The following STK32B variants were observed in gnomAD, a reference collection of about 807,000 sequenced individuals.
STK32B encodes the protein serine/threonine kinase 32B.
Under a neutral mutation model 52.6 loss-of-function variants are expected in STK32B, and 43 were observed. The observed-to-expected ratio is 0.82, with a 90% CI of 0.64 to 1.05. The LOEUF is 1.05. Among genes scored for constraint, STK32B ranks in the 50% least tolerant of loss-of-function variants. The pLI, the probability that STK32B is intolerant of heterozygous loss-of-function variation, is 0.00. For synonymous variants in STK32B, 238 were observed against 204.3 expected (o/e 1.17, Z -1.41); for missense variants, 621 against 534.6 (o/e 1.16, Z -1.59).
At chr4:5,492,865 T>C (rs1719866569) in intron 11 of STK32B, among the ~76,000 whole-genome samples, 1 of 151,134 alleles carries the variant, frequency 6.6e-6, no homozygotes, top group Admixed American at 6.6e-5. Flanking sequence ...TCTGTTTATA[T>C]GCTGGATTAC....
At chr4:5,202,941 T>G (rs1722272058) in intron 3 of STK32B, among the ~76,000 whole-genome samples, 1 of 152,112 alleles carries the variant, frequency 6.6e-6, no homozygotes, top group Non-Finnish European at 1.5e-5. Context: ...TTAGAACACC[T>G]CCTGTGGGCA....
At chr4:5,332,903 C>T (rs1732372252) in intron 4 of STK32B, among the ~76,000 whole-genome samples, 1 of 152,138 alleles carries the variant, frequency 6.6e-6, no homozygotes. Context: ...CATTGTTGGA[C>T]ATTTGGGTTG....
chr4:5,346,291 C>T (rs947441594), intron 4 of STK32B, among the ~76,000 whole-genome samples: 2 of 152,174 alleles, frequency 1.3e-5, no homozygotes, highest in East Asian at 1.9e-4. Flanking sequence ...GACAAAGGCT[C>T]ATCGCTCATT....
intron 3 of STK32B, among the ~76,000 whole-genome samples, chr4:5,301,585 T>A (rs1190655527): frequency 6.6e-6 from 1 of 151,684 alleles, no homozygotes; most frequent in Admixed American, 6.6e-5. Flanking sequence ...TGTTCTTTTA[T>A]AATCCTTTTA....
intron 11 of STK32B, among the ~76,000 whole-genome samples, chr4:5,478,716 C>A (rs1577570602): frequency 6.6e-6 from 1 of 152,158 alleles, no homozygotes; most frequent in South Asian, 2.1e-4. Context: ...CTCTGCAGTA[C>A]CTTGGGGCTC....
At chr4:5,473,563 G>A (rs1057339252) in intron 11 of STK32B, among the ~76,000 whole-genome samples, 5 of 152,332 alleles carry the variant, frequency 3.3e-5, no homozygotes, top group African/African-American at 1.2e-4. Flanking sequence ...CACAGAGACA[G>A]TGTGGCTCCA....
chr4:5,331,297 A>G lies in STK32B; in HGVS notation c.338A>G (p.Gln113Arg). The G allele has an allele frequency of 6.2e-7, 1 of 1,614,022 alleles. No individual in the cohort carries two copies. Among genetic ancestry groups the G allele is most frequent in the Non-Finnish European group, 8.5e-7 (1 of 1,179,932 alleles). Residue 113 changes from glutamine to arginine, a missense_variant, in exon 4 of 12, where the codon CAG (glutamine) becomes CGG (arginine). By Grantham distance (43) the Gln-to-Arg change is conservative (BLOSUM62 1). Transcript: ENST00000282908. ...GGAGGCGACCTGCGCTACCATCTGCAGCAGAATGTGCATTTCACAGAGGGG... is the reference window on the plus strand; with the variant it reads ...GGAGGCGACCTGCGCTACCATCTGCGGCAGAATGTGCATTTCACAGAGGGG... ...LLGGDLRYHL[Q>R]QNVHFTEGTV...
chr4:5,110,905 C>G (rs1216426088), intron 1 of STK32B, among the ~76,000 whole-genome samples: 1 of 151,194 alleles, frequency 6.6e-6, no homozygotes, highest in Non-Finnish European at 1.5e-5. Context: ...GGAACTCAAG[C>G]AACTCAAGAG....
At chr4:5,317,555 A>C (rs1326628575) in intron 3 of STK32B, among the ~76,000 whole-genome samples, 1 of 125,324 alleles carries the variant, frequency 8.0e-6, no homozygotes, top group African/African-American at 3.3e-5. Flanking sequence ...ATATATATAT[A>C]TATAACTTGA....
At chr4:5,335,922 G>A (rs1317186184) in intron 4 of STK32B, among the ~76,000 whole-genome samples, 1 of 151,562 alleles carries the variant, frequency 6.6e-6, no homozygotes, top group Non-Finnish European at 1.5e-5. Context: ...TTTGGAATAG[G>A]TGTGGTGTGG....
At chr4:5,304,277 C>G (rs1423099406) in intron 3 of STK32B, among the ~76,000 whole-genome samples, 1 of 152,040 alleles carries the variant, frequency 6.6e-6, no homozygotes, top group African/African-American at 2.4e-5. Flanking sequence ...ACAGTGTGAT[C>G]GTTTTCACAA....
At chr4:5,111,953 A>C (rs1303515494) in intron 1 of STK32B, among the ~76,000 whole-genome samples, 1 of 152,128 alleles carries the variant, frequency 6.6e-6, no homozygotes, top group Non-Finnish European at 1.5e-5. Flanking sequence ...TGCAGGTACC[A>C]CTGTGGGCAT....
intron 5 of STK32B, among the ~76,000 whole-genome samples, chr4:5,412,033 A>G (rs1356317913): frequency 6.6e-6 from 1 of 152,230 alleles, no homozygotes; most frequent in Non-Finnish European, 1.5e-5. Context: ...TCAAGAGGGA[A>G]GAACATTCCA....
intron 3 of STK32B, among the ~76,000 whole-genome samples, chr4:5,244,197 TCCA>T (rs1439326568): frequency 6.6e-6 from 1 of 152,206 alleles, no homozygotes; most frequent in Non-Finnish European, 1.5e-5. Flanking sequence ...CAGCTGTGAA[TCCA>T]TCTGGTCCTG....
rs567075892 is a variant in STK32B, at chr4:5,495,573, A to G, written c.1107-3372A>G. Among the ~76,000 whole-genome samples, 26 of 152,000 alleles carry G rather than the reference A, an allele frequency of 1.7e-4. No homozygotes were observed. In the East Asian group the frequency reaches 4.1e-3, roughly 24 times the overall value. ...GATCGTCTGAAGCCTTCTTCTCTCAACTCGTCAAAGTCATTCTCCCTCCAG... is the reference window on the plus strand; with the variant it reads ...GATCGTCTGAAGCCTTCTTCTCTCAGCTCGTCAAAGTCATTCTCCCTCCAG... On this transcript the variant is annotated intron_variant, in intron 11 of 11. Coordinates refer to ENST00000282908, the MANE Select transcript of STK32B (RefSeq NM_018401.3).
At chr4:5,232,149 A>G (rs1431678555) in intron 3 of STK32B, among the ~76,000 whole-genome samples, 1 of 152,144 alleles carries the variant, frequency 6.6e-6, no homozygotes, top group East Asian at 1.9e-4. Flanking sequence ...AGTGAAGGCT[A>G]TGGGGTCCTC....
chr4:5,288,118 C>T (rs1226129807), intron 3 of STK32B, among the ~76,000 whole-genome samples: 1 of 152,108 alleles, frequency 6.6e-6, no homozygotes, highest in Non-Finnish European at 1.5e-5. Flanking sequence ...AATAATCTTC[C>T]GTTTTATGGA....
chr4:5,290,977 G>A (rs1308364042), intron 3 of STK32B, among the ~76,000 whole-genome samples: 5 of 152,014 alleles, frequency 3.3e-5, no homozygotes. Flanking sequence ...GTTTATCTTA[G>A]CACTCTGATC....
chr4:5,162,633 G>C (rs1053873710), intron 2 of STK32B, among the ~76,000 whole-genome samples: 4 of 152,176 alleles, frequency 2.6e-5, no homozygotes, highest in Non-Finnish European at 2.9e-5. Context: ...AATTGAGTTA[G>C]ACTAATGAGG....
Sources: gnomAD v4.1 joint callset for allele counts (sites outside exome capture counted in the v4.1 genomes callset) on GRCh38, gnomAD v4.1.1 for gene constraint, MANE v1.5 for transcripts, NCBI Gene and HGNC (gene_info 2026-07-23, HGNC 2026-07-21) for gene names.